Variants in CCBE1 observed in about 807,000 individuals in gnomAD.
The protein encoded by CCBE1 is collagen and calcium-binding EGF domain-containing protein 1.
CCBE1 carries 37 observed loss-of-function variants against 50.0 expected under a neutral mutation model. That is an observed-to-expected ratio of 0.74 (90% CI 0.57 to 0.97). The LOEUF is 0.97. Among genes scored for constraint, CCBE1 ranks in the 50% least tolerant of loss-of-function variants. The pLI, the probability that CCBE1 is intolerant of heterozygous loss-of-function variation, is 0.00. For synonymous variants in CCBE1, 234 were observed against 203.7 expected (o/e 1.15, Z -1.27); for missense variants, 538 against 523.8 (o/e 1.03, Z -0.26).
At chr18:59,499,781 G>A (rs1913529459) in intron 2 of CCBE1, among the ~76,000 whole-genome samples, 1 of 152,190 alleles carries the variant, frequency 6.6e-6, no homozygotes, top group African/African-American at 2.4e-5. Flanking sequence ...ATGGCCTGCT[G>A]GACCTCAGAT....
intron 2 of CCBE1, among the ~76,000 whole-genome samples, chr18:59,491,459 T>C (rs983691218): frequency 6.6e-6 from 1 of 152,258 alleles, no homozygotes; most frequent in Non-Finnish European, 1.5e-5. Context: ...TAAGTTTGTT[T>C]AAATAATTAT....
chr18:59,591,443 A>ATACATATT (rs1336322597), intron 2 of CCBE1, among the ~76,000 whole-genome samples: 1 of 152,180 alleles, frequency 6.6e-6, no homozygotes, highest in Non-Finnish European at 1.5e-5. Context: ...TCACAAATTA[A>ATACATATT]AGGCTGATAT....
chr18:59,575,675 A>G (rs2052984621), intron 2 of CCBE1, among the ~76,000 whole-genome samples: 1 of 152,216 alleles, frequency 6.6e-6, no homozygotes, highest in Non-Finnish European at 1.5e-5. Context: ...CATTTCATGC[A>G]GTCTTTCCTC....
chr18:59,649,529 A>G (rs1281913856), intron 2 of CCBE1, among the ~76,000 whole-genome samples: 1 of 152,254 alleles, frequency 6.6e-6, no homozygotes, highest in Non-Finnish European at 1.5e-5. Context: ...CAACTACATC[A>G]TTCTCACAGC....
At chr18:59,495,737 C>T (rs1056513037) in intron 2 of CCBE1, among the ~76,000 whole-genome samples, 3 of 152,016 alleles carry the variant, frequency 2.0e-5, no homozygotes, top group Non-Finnish European at 4.4e-5. Context: ...TCTGATGTGC[C>T]TTTAGATGTG....
chr18:59,456,250 G>A (rs1368120304), intron 5 of CCBE1, among the ~76,000 whole-genome samples: 2 of 152,226 alleles, frequency 1.3e-5, no homozygotes, highest in Non-Finnish European at 2.9e-5. Context: ...TCACGTAATG[G>A]ATGCTCGAAA....
At position 59,600,034 on chromosome 18, in the gene CCBE1, C is replaced by T. The variant is rs192887553; in HGVS notation, c.212+96595G>A. 4.6e-5 allele frequency among the ~76,000 whole-genome samples: 7 copies of T among 152,260 alleles called. No individual in the cohort carries two copies. In the East Asian group the frequency reaches 1.4e-3, roughly 29 times the overall value. On this transcript the variant is annotated intron_variant, in intron 2 of 10. Coordinates refer to ENST00000439986, the MANE Select transcript of CCBE1 (RefSeq NM_133459.4). ...CTTTTGCGTCATTCCAGAGTAAGAG[C>T]CCCTAGTCTTGCAACTATTGCTTTT...
chr18:59,442,925 C>T (rs1301462280), intron 7 of CCBE1, among the ~76,000 whole-genome samples: 2 of 152,154 alleles, frequency 1.3e-5, no homozygotes, highest in Admixed American at 6.5e-5. Context: ...TTTCTAACTG[C>T]TCCCCTGCCC....
Position 59,661,561 on chromosome 18 carries a change from G to A in CCBE1, c.212+35068C>T, listed in dbSNP as rs1326890956. On this transcript the variant is annotated intron_variant, in intron 2 of 10. Transcript: ENST00000439986. ...CAGAAACTGAGTTGGCAAATACTGA[G>A]TCATTGGGGAAACACAGCGTGAGGT... Among the ~76,000 whole-genome samples the A allele has an allele frequency of 2.6e-5, 4 of 152,210 alleles. No homozygotes were observed. The East Asian group carries it at 7.7e-4, about 29-fold the overall frequency.
In CCBE1 at chr18:59,684,576, C is replaced by T. The variant is rs114767913; in HGVS notation, c.212+12053G>A. Among the ~76,000 whole-genome samples the T allele has an allele frequency of 6.4e-3, 978 of 152,362 alleles. 12 individuals carry two copies. Among genetic ancestry groups the T allele is most frequent in the African/African-American group, 0.023 (936 of 41,592 alleles). ...CTTTGTGTTTTGCCAGCCTCAAATT[C>T]AGAGATTCTTCATTAAGAGCCTCGG... On this transcript the variant is annotated intron_variant, in intron 2 of 10. Coordinates refer to ENST00000439986, the MANE Select transcript of CCBE1 (RefSeq NM_133459.4).
chr18:59,527,046 C>G (rs1182149015), intron 2 of CCBE1, among the ~76,000 whole-genome samples: 2 of 152,170 alleles, frequency 1.3e-5, no homozygotes, highest in African/African-American at 4.8e-5. Flanking sequence ...GAGCTGAGTT[C>G]AAGTCCAGAA....
At chr18:59,628,920 C>T (rs2053819647) in intron 2 of CCBE1, among the ~76,000 whole-genome samples, 1 of 152,188 alleles carries the variant, frequency 6.6e-6, no homozygotes, top group Non-Finnish European at 1.5e-5. Flanking sequence ...CAAAATCCAA[C>T]CATTTGTCAC....
intron 2 of CCBE1, among the ~76,000 whole-genome samples, chr18:59,573,293 ATATATATATG>A (rs200441437): frequency 0.065 from 8,727 of 134,554 alleles, 1,195 homozygotes; most frequent in African/African-American, 0.21. Flanking sequence ...TAATATATAT[ATATATATATG>A]TATGTATGTG....
At chr18:59,667,573 T>C (rs538596119) in intron 2 of CCBE1, among the ~76,000 whole-genome samples, 2 of 152,336 alleles carry the variant, frequency 1.3e-5, no homozygotes, top group South Asian at 4.1e-4. Flanking sequence ...TGACAATGAC[T>C]GTGGCCCTTC....
At chr18:59,494,669 A>G (rs658693) in intron 2 of CCBE1, among the ~76,000 whole-genome samples, 102,262 of 152,080 alleles carry the variant, frequency 0.67, 35,536 homozygotes, top group East Asian at 0.94. Context: ...ATGAATATGA[A>G]TTAAATCAGA....
At chr18:59,674,585 T>TC (rs1320769514) in intron 2 of CCBE1, among the ~76,000 whole-genome samples, 1 of 152,098 alleles carries the variant, frequency 6.6e-6, no homozygotes, top group Non-Finnish European at 1.5e-5. Context: ...AACCTGCATG[T>TC]CCCGCACATG....
At chr18:59,512,631 G>A (rs551214003) in intron 2 of CCBE1, among the ~76,000 whole-genome samples, 1 of 152,222 alleles carries the variant, frequency 6.6e-6, no homozygotes, top group African/African-American at 2.4e-5. Flanking sequence ...GGCAGGCCCA[G>A]GGCAGGAAAG....
At chr18:59,534,017 GA>G (rs137985833) in intron 2 of CCBE1, among the ~76,000 whole-genome samples, 3,474 of 152,124 alleles carry the variant, frequency 0.023, 123 homozygotes, top group African/African-American at 0.08. Context: ...AGATTCCAAA[GA>G]AAAAAATTGA....
At chr18:59,554,644 A>T (rs1184831081) in intron 2 of CCBE1, among the ~76,000 whole-genome samples, 2 of 152,228 alleles carry the variant, frequency 1.3e-5, no homozygotes, top group African/African-American at 4.8e-5. Context: ...ACAGGCCAAC[A>T]CTGGCTAACT....
Sources: gnomAD v4.1 joint callset for allele counts (sites outside exome capture counted in the v4.1 genomes callset) on GRCh38, gnomAD v4.1.1 for gene constraint, MANE v1.5 for transcripts, NCBI Gene and HGNC (gene_info 2026-07-23, HGNC 2026-07-21) for gene names.